The following CCDC39 variants were observed in gnomAD, a reference collection of about 807,000 sequenced individuals.
CCDC39 encodes the protein coiled-coil domain-containing protein 39.
A neutral mutation model predicts 121.0 loss-of-function variants in CCDC39; 113 were observed. The observed-to-expected ratio is 0.93, with a 90% CI of 0.80 to 1.09. CCDC39 has a LOEUF of 1.09. Among genes scored for constraint, CCDC39 ranks in the 50% least tolerant of loss-of-function variants. CCDC39 has a pLI of 0.00. For synonymous variants in CCDC39, 349 were observed against 352.2 expected (o/e 0.99, Z 0.10); for missense variants, 1,063 against 1,074.7 (o/e 0.99, Z 0.15).
intron 8 of CCDC39, among the ~76,000 whole-genome samples, chr3:180,651,808 C>T (rs559246516): frequency 9.2e-5 from 14 of 152,174 alleles, no homozygotes; most frequent in East Asian, 3.9e-4. Context: ...GAGGCCAAGG[C>T]GGGCAGATCA....
chr3:180,644,192 G>T lies in CCDC39; in HGVS notation c.1593C>A (p.Thr531=), dbSNP rs1258922191. 2.6e-6 allele frequency: 4 copies of T among 1,543,422 alleles called. No individual in the cohort carries two copies. The highest frequency in any genetic ancestry group is 3.5e-6 in the Non-Finnish European group (4 of 1,142,502). Residue 531 remains threonine (T), a synonymous_variant, in exon 12 of 20, where the codon ACC becomes ACA. Coordinates refer to ENST00000476379, the MANE Select transcript of CCDC39 (RefSeq NM_181426.2). ...KNSDEKQSLM[T]KINELNLFID... is the part of the protein sequence containing the mutation. The stretch of plus-strand genomic sequence containing the variant: ...TGAAAAGGTTTAGTTCATTTATTTT[G>T]GTCATAAGGGACTGTTTTTCATCAC...
intron 14 of CCDC39, among the ~76,000 whole-genome samples, chr3:180,621,800 T>A (rs981295621): frequency 1.3e-5 from 2 of 152,186 alleles, no homozygotes; most frequent in Non-Finnish European, 2.9e-5. Flanking sequence ...TCTCATTTTA[T>A]ACCAGTACCA....
chr3:180,675,688 T>C (rs996127136), intron 1 of CCDC39, among the ~76,000 whole-genome samples: 9 of 152,124 alleles, frequency 5.9e-5, no homozygotes, highest in Non-Finnish European at 1.0e-4. Flanking sequence ...GTGTCTTTGT[T>C]CTCATTGAAG....
chr3:180,642,535 C>A (rs1382404676), intron 12 of CCDC39, among the ~76,000 whole-genome samples: 1 of 151,906 alleles, frequency 6.6e-6, no homozygotes, highest in Non-Finnish European at 1.5e-5. Context: ...CTGAATCTCA[C>A]AAAATAATGT....
chr3:180,632,174 G>A (rs948685358), intron 13 of CCDC39, among the ~76,000 whole-genome samples: 2 of 152,184 alleles, frequency 1.3e-5, no homozygotes, highest in African/African-American at 4.8e-5. Flanking sequence ...TCTAGTTTCT[G>A]AGGCTGTTTG....
intron 9 of CCDC39, among the ~76,000 whole-genome samples, chr3:180,649,028 G>A (rs1006607508): frequency 6.6e-6 from 1 of 152,124 alleles, no homozygotes; most frequent in Admixed American, 6.6e-5. Flanking sequence ...TGAGTGCTGA[G>A]TATGTATTAC....
At chr3:180,636,772 G>A (rs77303458) in intron 13 of CCDC39, among the ~76,000 whole-genome samples, 3,561 of 150,334 alleles carry the variant, frequency 0.024, 126 homozygotes, top group African/African-American at 0.077. Flanking sequence ...CAGAAATCAG[G>A]CTGCATCCCT....
rs912751506 is a variant in CCDC39 at position 180,644,146 on chromosome 3, G to A, written c.1639C>T (p.Leu547Phe). The A allele has an allele frequency of 2.6e-5, 40 of 1,543,954 alleles. No homozygotes were observed. The highest frequency in any genetic ancestry group is 3.3e-5 in the Non-Finnish European group (38 of 1,143,994). Residue 547 changes from leucine to phenylalanine, a missense_variant, in exon 12 of 20, where the codon CTT (leucine) becomes TTT (phenylalanine). Leu to Phe is a conservative substitution (Grantham distance 22, BLOSUM62 0). Coordinates refer to ENST00000476379, the MANE Select transcript of CCDC39 (RefSeq NM_181426.2). ...TGCTTAAAACCTTTGGCTTTATCAA[G>A]TTCTTTCTCTGATCTGTCGATGAAA... The part of the protein sequence containing the change: ...NLFIDRSEKE[L>F]DKAKGFKQDL...
chr3:180,619,949 GTTC>G lies in CCDC39; in HGVS notation c.2017_2019del (p.Glu673del), dbSNP rs780429898. ...TCCAAACAGTCACCTTCCCTTTGAA[GTTC>G]TTCTTTTTCTTGAGCAGCCTATGAA... On this transcript the variant is annotated inframe_deletion, in exon 15 of 20. Transcript: ENST00000476379. The G allele has an allele frequency of 6.2e-6, 10 of 1,607,238 alleles. No individual in the cohort carries two copies. Among genetic ancestry groups the G allele is most frequent in the Middle Eastern group, 1.7e-4 (1 of 6,042 alleles).
intron 14 of CCDC39, 64 bp from the exon 15 acceptor site, chr3:180,620,034 G>T: frequency 7.7e-7 from 1 of 1,294,448 alleles, no homozygotes; most frequent in Non-Finnish European, 1.1e-6. Flanking sequence ...ATGCCTAATG[G>T]CTGTCTTTGG....
intron 14 of CCDC39, among the ~76,000 whole-genome samples, chr3:180,628,401 G>T (rs1717615540): frequency 6.6e-6 from 1 of 152,046 alleles, no homozygotes; most frequent in African/African-American, 2.4e-5. Context: ...TAGAGATGGG[G>T]TTTCACCATG....
At chr3:180,619,130 ACTAT>A in intron 16 of CCDC39, 125 bp downstream of exon 16, 1 of 629,844 alleles carries the variant, frequency 1.6e-6, no homozygotes, top group Non-Finnish European at 2.8e-6. Flanking sequence ...GTTATCTCTT[ACTAT>A]CTACTTCCCT....
Position 180,616,605 on chromosome 3 carries a change from GTTTCA to G in CCDC39, c.2492_2496del (p.Met831ThrfsTer7). 6.3e-7 allele frequency: 1 copy of G among 1,598,582 alleles called. No individual in the cohort carries two copies. The highest frequency in any genetic ancestry group is 8.5e-7 in the Non-Finnish European group (1 of 1,172,014). ...ATTTCATCAATAACTTTGTGAAACTGTTTCATTTCACGAAGTTTGATGTCTTGTTC... is the reference window on the plus strand; with the variant it reads ...ATTTCATCAATAACTTTGTGAAACTGTTTCACGAAGTTTGATGTCTTGTTC... On this transcript the variant is annotated frameshift_variant, in exon 18 of 20. Transcript: ENST00000476379. LOFTEE classifies it high-confidence loss of function.
rs115545935 is a variant in CCDC39, at chr3:180,647,173, T to C, written c.1433A>G (p.Gln478Arg). The C allele has an allele frequency of 5.5e-3, 8,925 of 1,612,170 alleles. 39 individuals carry two copies. Among genetic ancestry groups the C allele is most frequent in the Non-Finnish European group, 6.9e-3 (8,101 of 1,179,100 alleles). Residue 478 changes from glutamine (Q) to arginine (R), a missense_variant, in exon 11 of 20, where the codon CAA becomes CGA. Physicochemically the swap from Gln to Arg is conservative, Grantham distance 43. Transcript: ENST00000476379. The stretch of plus-strand genomic sequence containing the variant: ...TTCAACAATTTTTGCTTCAAGCGCT[T>C]GTTTTTCTTCTGAATTAATTTCTCC... ...LKGEINSEEK[Q>R]ALEAKIVELR... is the part of the protein sequence containing the mutation.
chr3:180,634,950 A>G (rs1243704975), intron 13 of CCDC39, among the ~76,000 whole-genome samples: 1 of 152,198 alleles, frequency 6.6e-6, no homozygotes, highest in Non-Finnish European at 1.5e-5. Context: ...TTAAAGGAAT[A>G]ACCATTTAAT....
chr3:180,670,954 G>A (rs1191558882), intron 1 of CCDC39, among the ~76,000 whole-genome samples: 2 of 152,118 alleles, frequency 1.3e-5, no homozygotes, highest in African/African-American at 4.8e-5. Context: ...GCTCACACCT[G>A]TAATCCCAAC....
chr3:180,651,228 A>G (rs1013597129), intron 9 of CCDC39, among the ~76,000 whole-genome samples, 173 bp downstream of exon 9: 3 of 152,054 alleles, frequency 2.0e-5, no homozygotes, highest in African/African-American at 7.2e-5. Flanking sequence ...GGAGACTGAG[A>G]ATAACTTCAG....
At chr3:180,634,988 T>C (rs1246568033) in intron 13 of CCDC39, among the ~76,000 whole-genome samples, 2 of 152,160 alleles carry the variant, frequency 1.3e-5, no homozygotes, top group Non-Finnish European at 2.9e-5. Context: ...GCTATAAAGA[T>C]ACTACCTGAG....
At chr3:180,664,009 T>A (rs1463669594) in intron 1 of CCDC39, 23 bp from the exon 2 acceptor site, 1 of 1,599,960 alleles carries the variant, frequency 6.3e-7, no homozygotes, top group East Asian at 2.2e-5. Context: ...AATACTATGA[T>A]TAACCAAAGT....
Sources: allele counts gnomAD v4.1 joint callset (sites outside exome capture counted in the v4.1 genomes callset), GRCh38; gene constraint gnomAD v4.1.1; transcripts MANE v1.5; gene names NCBI Gene and HGNC (gene_info 2026-07-23, HGNC 2026-07-21).